KDSR: variants seen among roughly 807,000 people sequenced by gnomAD.
The protein encoded by KDSR is 3-dehydrosphinganine reductase.
In KDSR, 23 loss-of-function variants were observed where a neutral mutation model predicts 41.3. The ratio of observed to expected loss-of-function variants is 0.56; its 90% confidence interval spans 0.40 to 0.79. KDSR has a LOEUF of 0.79. Ranked by LOEUF, KDSR falls within the 30% of genes least tolerant of loss-of-function variation. KDSR has a pLI of 0.00. For synonymous variants in KDSR, 138 were observed against 151.7 expected, an observed-to-expected ratio of 0.91 and a Z score of 0.66; for missense variants, 351 against 416.8, an observed-to-expected ratio of 0.84 and a Z score of 1.37.
rs2144342500 is a variant in KDSR, at chr18:63,330,944, C to A, written c.*838G>T. The stretch of plus-strand genomic sequence containing the variant: ...ATGGTTATTGAAGGAACTGTAAATT[C>A]TTAAGCTTCTAGATTTTACCGCTCT... On this transcript the variant is annotated 3_prime_UTR_variant, in exon 10 of 10. Coordinates refer to ENST00000645214, the MANE Select transcript of KDSR (RefSeq NM_002035.4). 4.4e-6 allele frequency: 1 copy of A among 229,848 alleles called. No individual in the cohort carries two copies. Among genetic ancestry groups the A allele is most frequent in the Non-Finnish European group, 8.6e-6 (1 of 115,850 alleles). 14.2% of individuals were successfully genotyped at this position (229,848 alleles called of 1,614,324 possible).
At position 63,351,085 on chromosome 18, in the gene KDSR, G is replaced by T; in HGVS notation, c.418-6C>A. The T allele has an allele frequency of 1.2e-6, 2 of 1,608,448 alleles. No individual in the cohort carries two copies. The highest frequency in any genetic ancestry group is 1.7e-6 in the Non-Finnish European group (2 of 1,177,168). On this transcript the variant is annotated splice_polypyrimidine_tract_variant and splice_region_variant and intron_variant, in intron 5 of 9. Transcript: ENST00000645214. ...TAATTGATGCTCATTAACCTCTGCA[G>T]GGAACAAAGAGGCCACATGAGGTCA... is the stretch of plus-strand genomic sequence containing the variant.
chr18:63,362,177 C>G (rs932294682), intron 2 of KDSR, among the ~76,000 whole-genome samples: 3 of 152,248 alleles, frequency 2.0e-5, no homozygotes, highest in African/African-American at 7.2e-5. Context: ...GACGTCATGA[C>G]AGTTCACGTG....
intron 3 of KDSR, among the ~76,000 whole-genome samples, chr18:63,357,094 CT>C (rs1291675491): frequency 1.3e-5 from 2 of 152,196 alleles, no homozygotes; most frequent in Non-Finnish European, 2.9e-5. Context: ...ATGGAAAGAT[CT>C]CTAACATTCT....
intron 9 of KDSR, among the ~76,000 whole-genome samples, chr18:63,332,260 C>A (rs1245512763): frequency 6.6e-6 from 1 of 152,168 alleles, no homozygotes; most frequent in Non-Finnish European, 1.5e-5. Flanking sequence ...ATGTTCTGAG[C>A]ATGAAAGCGA....
At chr18:63,343,797 T>C (rs1268512258) in intron 7 of KDSR, among the ~76,000 whole-genome samples, 1 of 151,330 alleles carries the variant, frequency 6.6e-6, no homozygotes, top group Non-Finnish European at 1.5e-5. Flanking sequence ...TGGCTACCTC[T>C]AGGGAGTAGG....
At position 63,351,079 on chromosome 18, in the gene KDSR, T is replaced by A; in HGVS notation, c.418A>T (p.Arg140Trp). The A allele has an allele frequency of 6.2e-7, 1 of 1,608,992 alleles. No homozygotes were observed. Reference protein sequence around the residue: ...FEDLEVSTFERLMSINYLGSV... With the variant: ...FEDLEVSTFEWLMSINYLGSV... ...CCCAGGTAATTGATGCTCATTAACCTCTGCAGGGAACAAAGAGGCCACATG... is the reference window on the plus strand; with the variant it reads ...CCCAGGTAATTGATGCTCATTAACCACTGCAGGGAACAAAGAGGCCACATG... The change falls in exon 6 of 10, where the codon AGG becomes TGG. Residue 140 changes from arginine (R) to tryptophan (W), a missense_variant and splice_region_variant. By Grantham distance (101) the Arg-to-Trp change is moderately radical. Coordinates refer to ENST00000645214, the MANE Select transcript of KDSR (RefSeq NM_002035.4).
intron 7 of KDSR, among the ~76,000 whole-genome samples, chr18:63,342,942 T>A (rs1292079860): frequency 2.0e-5 from 3 of 152,060 alleles, no homozygotes; most frequent in Non-Finnish European, 4.4e-5. Context: ...ACTGAGTGAG[T>A]TCTCACGAGA....
At chr18:63,336,449 C>G (rs1048199516) in intron 8 of KDSR, among the ~76,000 whole-genome samples, 5 of 152,166 alleles carry the variant, frequency 3.3e-5, no homozygotes, top group Non-Finnish European at 7.3e-5. Context: ...GGAAAAACAA[C>G]TGGCCACGTG....
At chr18:63,353,761 C>T (rs912026653) in intron 5 of KDSR, among the ~76,000 whole-genome samples, 3 of 152,004 alleles carry the variant, frequency 2.0e-5, no homozygotes, top group Admixed American at 6.5e-5. Flanking sequence ...TCCAATCATA[C>T]GAAATGACCA....
Position 63,329,911 on chromosome 18 carries a change from C to T in KDSR, c.*1871G>A, listed in dbSNP as rs998749222. The T allele has an allele frequency of 8.9e-5, 17 of 191,840 alleles. No homozygotes were observed. Among genetic ancestry groups the T allele is most frequent in the Non-Finnish European group, 1.4e-4 (13 of 91,698 alleles). The allele number at this position is 191,840 out of a possible 1,614,324, so 11.9% of individuals were successfully genotyped here. On this transcript the variant is annotated 3_prime_UTR_variant, in exon 10 of 10. Coordinates refer to ENST00000645214, the MANE Select transcript of KDSR (RefSeq NM_002035.4). The stretch of plus-strand genomic sequence containing the variant: ...TGATTCCATTTTAGCAGCTGCACAA[C>T]GCAACTCGATATAATCTGCAAACTT...
At chr18:63,332,097 A>G (rs778812706) in intron 9 of KDSR, among the ~76,000 whole-genome samples, 196 bp from the exon 10 acceptor site, 7 of 152,248 alleles carry the variant, frequency 4.6e-5, no homozygotes, top group South Asian at 4.1e-4. Flanking sequence ...GCCCAGATAC[A>G]TAACAAAATA....
intron 2 of KDSR, among the ~76,000 whole-genome samples, chr18:63,361,000 A>ATATATATATATAT (rs1440602336): frequency 0.039 from 866 of 22,020 alleles, 12 homozygotes; most frequent in Non-Finnish European, 0.059. Flanking sequence ...ACTAAAAAAA[A>ATATATATATATAT]AATATATATA....
At chr18:63,349,245 T>C (rs901734373) in intron 6 of KDSR, among the ~76,000 whole-genome samples, 5 of 152,052 alleles carry the variant, frequency 3.3e-5, no homozygotes, top group African/African-American at 7.3e-5. Context: ...TAGCCAGGCA[T>C]GGTAGTGTGC....
At position 63,346,912 on chromosome 18, in the gene KDSR, C is replaced by T. The variant is rs376442591; in HGVS notation, c.610-2419G>A. ...ATCTGAATATACTAAACCACATCTACATCTTCTTTTAATCTACCAATCTCA... is the reference window on the plus strand; with the variant it reads ...ATCTGAATATACTAAACCACATCTATATCTTCTTTTAATCTACCAATCTCA... On this transcript the variant is annotated intron_variant, in intron 6 of 9. Transcript: ENST00000645214. 3.9e-5 allele frequency among the ~76,000 whole-genome samples: 6 copies of T among 152,284 alleles called. No homozygotes were observed. The South Asian group carries it at 1.2e-3, about 32-fold the overall frequency.
In KDSR at chr18:63,343,420, G is replaced by A. The variant is rs1182296097; in HGVS notation, c.693+990C>T. ...TTTTTTTTTTTAGATATTGGTTCTC[G>A]CTCTGTCACCCAGGTCGAAATGCAG... On this transcript the variant is annotated intron_variant, in intron 7 of 9. Transcript: ENST00000645214. Among the ~76,000 whole-genome samples the A allele has an allele frequency of 4.1e-5, 6 of 144,796 alleles. No individual in the cohort carries two copies. In the Admixed American group the frequency reaches 4.2e-4, roughly 10 times the overall value. The allele number at this position is 144,796 out of a possible 152,430, so 95.0% of individuals were successfully genotyped here.
intron 2 of KDSR, among the ~76,000 whole-genome samples, chr18:63,361,456 T>C (rs777879035): frequency 6.6e-6 from 1 of 151,976 alleles, no homozygotes; most frequent in African/African-American, 2.4e-5. Context: ...AGCAAATTCA[T>C]TGTTAGAAAA....
chr18:63,344,904 T>A (rs1216723530), intron 6 of KDSR: 2 of 159,756 alleles, frequency 1.3e-5, no homozygotes, highest in Non-Finnish European at 2.7e-5. Context: ...CACCAGACTG[T>A]ACATCTGTTT....
chr18:63,349,534 AT>A (rs1303249175), intron 6 of KDSR, among the ~76,000 whole-genome samples: 1 of 152,268 alleles, frequency 6.6e-6, no homozygotes, highest in Non-Finnish European at 1.5e-5. Context: ...ACGATATATT[AT>A]TAAGAGTATT....
intron 3 of KDSR, among the ~76,000 whole-genome samples, chr18:63,358,574 G>A (rs1914868777): frequency 1.3e-5 from 2 of 152,056 alleles, no homozygotes; most frequent in Admixed American, 1.3e-4. Context: ...GACTTTGGGA[G>A]GCCAAGGCAG....
Sources: gnomAD v4.1 joint callset for allele counts (sites outside exome capture counted in the v4.1 genomes callset) on GRCh38, gnomAD v4.1.1 for gene constraint, MANE v1.5 for transcripts, NCBI Gene and HGNC (gene_info 2026-07-23, HGNC 2026-07-21) for gene names.